MYO15A: variants seen among roughly 807,000 people sequenced by gnomAD.
The protein encoded by MYO15A is myosin XVA.
MYO15A carries 308 observed loss-of-function variants against 394.6 expected under a neutral mutation model. The observed-to-expected ratio is 0.78, with a 90% CI of 0.71 to 0.86. The LOEUF (loss-of-function observed/expected upper bound fraction) is 0.86. Among genes scored for constraint, MYO15A ranks in the 40% least tolerant of loss-of-function variants. The pLI is 0.00. For missense variants in MYO15A, 4,606 were observed against 4,799.1 expected, an observed-to-expected ratio of 0.96 and a Z score of 1.19; for synonymous variants, 1,957 against 2,003.8, an observed-to-expected ratio of 0.98 and a Z score of 0.62.
At chr17:18,139,656 C>G in intron 19 of MYO15A, 45 bp downstream of exon 19, 1 of 1,430,650 alleles carries the variant, frequency 7.0e-7, no homozygotes. Flanking sequence ...CCAGGCATGT[C>G]CCCACCCCCA....
chr17:18,121,836 TGAA>T lies in MYO15A; in HGVS notation c.3042_3044del (p.Glu1015del). The T allele has an allele frequency of 6.2e-7, 1 of 1,612,672 alleles. No individual in the cohort carries two copies. On this transcript the variant is annotated inframe_deletion, in exon 2 of 66. Coordinates refer to ENST00000647165, the MANE Select transcript of MYO15A (RefSeq NM_016239.4). This position sits in a 1 kb window ranked among gnomAD's most constrained non-coding sequence, Gnocchi z 5.3. ...CAGCTGGCCCAACCCCTGAGAAGCC[TGAA>T]GAAGAGGCCACCCTGGGGGACCCCC...
At chr17:18,138,093 T>C (rs758777440) in intron 16 of MYO15A, 22 bp from the exon 17 acceptor site, 2 of 1,606,378 alleles carry the variant, frequency 1.2e-6, no homozygotes, top group South Asian at 2.2e-5. Flanking sequence ...GAGGTTGAGC[T>C]CCTGCTGCCC....
chr17:18,157,266 G>C, intron 50 of MYO15A, 36 bp downstream of exon 50: 1 of 1,569,666 alleles, frequency 6.4e-7, no homozygotes. Flanking sequence ...CATACGGGGC[G>C]CATCCTAGTT....
In MYO15A at chr17:18,119,572, G is replaced by C. The variant is rs1302847411; in HGVS notation, c.772G>C (p.Glu258Gln). 2 of 1,606,300 alleles carry C rather than the reference G, an allele frequency of 1.2e-6. No individual in the cohort carries two copies. The highest frequency in any genetic ancestry group is 1.7e-5 in the Admixed American group (1 of 60,014). ...GTCACTCCACCGCTACGAGGAGCAG[G>C]AACCCTACCTGGCGGGCCTCGGCCC... Reference protein sequence around the residue: ...RQSLHRYEEQEPYLAGLGPYS... With the variant: ...RQSLHRYEEQQPYLAGLGPYS... Residue 258 changes from glutamate (E) to glutamine (Q), a missense_variant, in exon 2 of 66, where the codon GAA becomes CAA. Physicochemically the swap from Glu to Gln is conservative, Grantham distance 29. Around this residue, in one of 2 missense-constraint regions of MYO15A, gnomAD observed 1,830 missense variants for 1,689.7 expected, o/e 1.08. Transcript: ENST00000647165.
At chr17:18,137,901 CCTT>C (rs1303645052) in intron 16 of MYO15A, 6 of 832,530 alleles carry the variant, frequency 7.2e-6, no homozygotes, top group Non-Finnish European at 9.4e-6. Flanking sequence ...TGGTGGGGGT[CCTT>C]CTTCTCCTCT....
chr17:18,168,489 G>A (rs551508771), intron 62 of MYO15A, among the ~76,000 whole-genome samples: 32 of 151,690 alleles, frequency 2.1e-4, no homozygotes, highest in Non-Finnish European at 3.4e-4. Flanking sequence ...ACGTGAACCC[G>A]GGAGGCGGAG....
In MYO15A at chr17:18,150,355, G is replaced by A; in HGVS notation, c.7213-74G>A. ...ACGAGAGGGTGGGGAAGAGGCCAGT[G>A]TCAGGTGCCTGTTGCCATGGAACCT... is the stretch of plus-strand genomic sequence containing the variant. On this transcript the variant is annotated intron_variant, in intron 35 of 65. Coordinates refer to ENST00000647165, the MANE Select transcript of MYO15A (RefSeq NM_016239.4). The surrounding 1 kb of genome is among the most constrained non-coding windows in gnomAD (Gnocchi z 4.4). 1 of 1,367,546 alleles carries A rather than the reference G, an allele frequency of 7.3e-7. No individual in the cohort carries two copies. The highest frequency in any genetic ancestry group is 2.3e-5 in the East Asian group (1 of 43,198). The allele number at this position is 1,367,546 out of a possible 1,614,324, so 84.7% of individuals were successfully genotyped here.
rs1353084626 is a variant in MYO15A at position 18,156,187 on chromosome 17, T to A, written c.8460-8T>A. On this transcript the variant is annotated splice_polypyrimidine_tract_variant and splice_region_variant and intron_variant, in intron 47 of 65. Transcript: ENST00000647165. ...GCAGGGGAGTCATGCCACCGGCCCATCCTCCAGCTTTGCAGATATCCTGTT... is the reference window on the plus strand; with the variant it reads ...GCAGGGGAGTCATGCCACCGGCCCAACCTCCAGCTTTGCAGATATCCTGTT... 6.2e-7 allele frequency: 1 copy of A among 1,613,976 alleles called. No individual in the cohort carries two copies. The highest frequency in any genetic ancestry group is 1.3e-5 in the African/African-American group (1 of 75,018).
rs1309708583 is a variant in MYO15A, at chr17:18,167,867, C to G, written c.10082+144C>G. 3.7e-6 allele frequency: 5 copies of G among 1,350,332 alleles called. No homozygotes were observed. The Admixed American group carries it at 6.0e-5, about 16-fold the overall frequency. 83.6% of individuals were successfully genotyped at this position (1,350,332 alleles called of 1,614,324 possible). On this transcript the variant is annotated intron_variant, in intron 62 of 65. Transcript: ENST00000647165. The stretch of plus-strand genomic sequence containing the variant: ...TGGGGCTATCTGGGAAGGGGCTGTC[C>G]TTGCCTGGGGGCTGAAGTCTTCCAA...
At chr17:18,133,074 C>A in intron 11 of MYO15A, 151 bp from the exon 12 acceptor site, 1 of 776,940 alleles carries the variant, frequency 1.3e-6, no homozygotes, top group Non-Finnish European at 2.2e-6. Context: ...CCGTCCTCAG[C>A]CGTGCTCAGA....
intron 12 of MYO15A, among the ~76,000 whole-genome samples, chr17:18,134,295 G>T (rs959438789): frequency 6.6e-6 from 1 of 152,122 alleles, no homozygotes. Flanking sequence ...GGCCTGTTGG[G>T]TTTTTTATGC....
chr17:18,119,760 G>A lies in MYO15A; in HGVS notation c.960G>A (p.Ser320=), dbSNP rs755521942. 7.4e-6 allele frequency: 12 copies of A among 1,612,866 alleles called. No individual in the cohort carries two copies. Among genetic ancestry groups the A allele is most frequent in the African/African-American group, 4.0e-5 (3 of 74,988 alleles). The change falls in exon 2 of 66, where the codon TCG becomes TCA. Residue 320 remains serine (S), a synonymous_variant. Coordinates refer to ENST00000647165, the MANE Select transcript of MYO15A (RefSeq NM_016239.4). The stretch of plus-strand genomic sequence containing the variant: ...ACGAACCCCCATATGCGCCCCCGTC[G>A]GGGTACTCGTCTCCTTACAGCTACC... The part of the protein sequence containing the change: ...DDYEPPYAPP[S]GYSSPYSYHD...
chr17:18,126,068 C>A (rs2046032114), intron 4 of MYO15A, among the ~76,000 whole-genome samples: 1 of 152,250 alleles, frequency 6.6e-6, no homozygotes, highest in South Asian at 2.1e-4. Context: ...TGGGCCCAAC[C>A]TTGAACAAAT....
chr17:18,119,265 A>C lies in MYO15A; in HGVS notation c.465A>C (p.Thr155=), dbSNP rs2045852371. The change falls in exon 2 of 66, where the codon ACA becomes ACC. Residue 155 remains threonine, a synonymous_variant. Transcript: ENST00000647165. ...AGGAGTCGGGCAGCGAACAGGCCAC[A>C]GTGGACGCCTGGCTGCAGCGCTCGA... is the stretch of plus-strand genomic sequence containing the variant. The part of the protein sequence containing the change: ...KAEESGSEQA[T]VDAWLQRSSS... 1 of 1,612,130 alleles carries C rather than the reference A, an allele frequency of 6.2e-7. No individual in the cohort carries two copies. The highest frequency in any genetic ancestry group is 8.5e-7 in the Non-Finnish European group (1 of 1,179,864).
chr17:18,139,198 A>G (rs1341838261), intron 18 of MYO15A: 2 of 624,016 alleles, frequency 3.2e-6, no homozygotes, highest in Non-Finnish European at 5.9e-6. Flanking sequence ...GTAGCTCATC[A>G]ATAGTGACAT....
intron 56 of MYO15A, among the ~76,000 whole-genome samples, chr17:18,160,446 G>A (rs949624073): frequency 5.9e-5 from 9 of 152,088 alleles, no homozygotes; most frequent in African/African-American, 1.9e-4. Flanking sequence ...ACAGCCTCTC[G>A]CACAGAGTAG....
intron 13 of MYO15A, 67 bp from the exon 14 acceptor site, chr17:18,136,349 TC>T: frequency 6.3e-7 from 1 of 1,588,728 alleles, no homozygotes; most frequent in African/African-American, 1.3e-5. Context: ...ACTCCCTTAG[TC>T]CCCTGGGGGC....
At chr17:18,113,590 C>G (rs566824246) in intron 1 of MYO15A, among the ~76,000 whole-genome samples, 9 of 152,056 alleles carry the variant, frequency 5.9e-5, no homozygotes, top group Non-Finnish European at 1.3e-4. Flanking sequence ...AAAACCCTGT[C>G]CCTACTAAAA....
chr17:18,154,189 A>G lies in MYO15A; in HGVS notation c.8147A>G (p.Gln2716Arg), dbSNP rs756607995. 1.9e-6 allele frequency: 3 copies of G among 1,614,010 alleles called. No individual in the cohort carries two copies. In the Admixed American group the frequency reaches 5.0e-5, roughly 27 times the overall value. ...HPVQLDLLFR[Q>R]ILHDTLSEAC... ...GTGCAGCTTGACCTCCTGTTCCGGCAGGTGAGGTCCTGTCTCCCCTTTCTG... is the reference window on the plus strand; with the variant it reads ...GTGCAGCTTGACCTCCTGTTCCGGCGGGTGAGGTCCTGTCTCCCCTTTCTG... Residue 2716 changes from glutamine (Q) to arginine (R), a missense_variant and splice_region_variant, in exon 44 of 66, where the codon CAG becomes CGG. By Grantham distance (43) the Gln-to-Arg change is conservative (BLOSUM62 1). Coordinates refer to ENST00000647165, the MANE Select transcript of MYO15A (RefSeq NM_016239.4).
Sources: gnomAD v4.1 joint callset for allele counts (sites outside exome capture counted in the v4.1 genomes callset) on GRCh38, gnomAD v4.1.1 for gene constraint, gnomAD v4.1.1 regional missense constraint, Gnocchi (gnomAD v3.1) non-coding constraint, MANE v1.5 for transcripts, NCBI Gene and HGNC (gene_info 2026-07-23, HGNC 2026-07-21) for gene names.